The following IYD variants were observed in gnomAD, a reference collection of about 807,000 sequenced individuals.
IYD encodes iodotyrosine deiodinase 1.
A neutral mutation model predicts 28.4 loss-of-function variants in IYD; 25 were observed. The ratio of observed to expected loss-of-function variants is 0.88; its 90% CI spans 0.64 to 1.23. The LOEUF (loss-of-function observed/expected upper bound fraction) is 1.23, where lower values mean the gene tolerates loss of function less well. IYD is among the 50% of genes most tolerant of loss of function. The probability of loss-of-function intolerance (pLI) is 0.00; values close to 1 mark genes in which losing one functional copy is unlikely to be tolerated. For synonymous variants in IYD, 140 were observed against 130.8 expected, an observed-to-expected ratio of 1.07 and a Z score of -0.48; for missense variants, 352 against 357.9, an observed-to-expected ratio of 0.98 and a Z score of 0.13.
At chr6:150,377,004 A>G (rs576516011) in intron 1 of IYD, among the ~76,000 whole-genome samples, 1 of 152,288 alleles carries the variant, frequency 6.6e-6, no homozygotes, top group Admixed American at 6.5e-5. Context: ...TTCAGGAAAA[A>G]GGATCAGAGA....
chr6:150,386,521 T>A (rs1193334655), intron 1 of IYD, among the ~76,000 whole-genome samples: 1 of 152,168 alleles, frequency 6.6e-6, no homozygotes, highest in Non-Finnish European at 1.5e-5. Context: ...CAGTGTCCTA[T>A]GTAAGCCTAT....
chr6:150,397,722 G>T (rs970285435), intron 4 of IYD, among the ~76,000 whole-genome samples: 1 of 152,058 alleles, frequency 6.6e-6, no homozygotes, highest in Admixed American at 6.6e-5. Flanking sequence ...ACTCCCTGTT[G>T]TTTTTGCCTT....
rs35209272 is a variant in IYD at position 150,399,910 on chromosome 6, T to C, written c.*1673T>C. ...CCTCCTAATACCATCACATTGGGGG[T>C]TAGGGTTTCAACATATGAATTGCGG... On this transcript the variant is annotated 3_prime_UTR_variant, in exon 5 of 5. Transcript: ENST00000344419. 0.058 allele frequency: 8,885 copies of C among 152,314 alleles called. 346 individuals are homozygous for C. Among genetic ancestry groups the C allele is most frequent in the Non-Finnish European group, 0.085 (5,776 of 68,186 alleles). The allele number at this position is 152,314 out of a possible 1,614,324, so 9.4% of individuals were successfully genotyped here. A position where few individuals can be genotyped will look rare whatever the true frequency, so the allele number is the denominator to read the frequency against.
chr6:150,389,233 A>G, intron 1 of IYD, 119 bp from the exon 2 acceptor site: 1 of 710,094 alleles, frequency 1.4e-6, no homozygotes, highest in South Asian at 1.6e-5. Context: ...TTTTCATTTT[A>G]TAGTATTTTT....
intron 1 of IYD, among the ~76,000 whole-genome samples, chr6:150,370,284 TG>T (rs1405919215): frequency 6.8e-6 from 1 of 146,316 alleles, no homozygotes; most frequent in Non-Finnish European, 1.5e-5. Flanking sequence ...TTCATTAATG[TG>T]CATGTGTGAG....
In IYD at chr6:150,394,707, A is replaced by C. The variant is rs1582800232; in HGVS notation, c.687+452A>C. Reference sequence around the variant, plus strand: ...GGAAGAAGGTCATGTGCTTTTCAAAAATTCCATCTGCATAGGAACGAGAGC... The same window carrying C: ...GGAAGAAGGTCATGTGCTTTTCAAACATTCCATCTGCATAGGAACGAGAGC... On this transcript the variant is annotated intron_variant, in intron 4 of 4. Coordinates refer to ENST00000344419, the MANE Select transcript of IYD (RefSeq NM_203395.3). Among the ~76,000 whole-genome samples, 7 of 152,344 alleles carry C rather than the reference A, an allele frequency of 4.6e-5. No individual in the cohort carries two copies. The East Asian group carries it at 1.4e-3, about 29-fold the overall frequency.
In IYD at chr6:150,402,272, G is replaced by A. The variant is rs72998964; in HGVS notation, c.*4035G>A. 0.095 allele frequency: 14,445 copies of A among 152,192 alleles called. 964 individuals are homozygous for A. The highest frequency in any genetic ancestry group is 0.19 in the African/African-American group (7,774 of 41,468). 9.4% of individuals were successfully genotyped at this position (152,192 alleles called of 1,614,324 possible). A position where few individuals can be genotyped will look rare whatever the true frequency, so the allele number is the denominator to read the frequency against. On this transcript the variant is annotated 3_prime_UTR_variant, in exon 5 of 5. Transcript: ENST00000344419. ...CTGCCTCCTTCCTAGAGGCAGCAGGGGGAGAAAACACTGGAAGAGGTCACC... is the reference window on the plus strand; with the variant it reads ...CTGCCTCCTTCCTAGAGGCAGCAGGAGGAGAAAACACTGGAAGAGGTCACC...
At chr6:150,396,706 T>C (rs7774404) in intron 4 of IYD, 31,171 of 284,596 alleles carry the variant, frequency 0.11, 5,143 homozygotes, top group African/African-American at 0.42. Context: ...AACCCGGCCT[T>C]TACTAAAAAT....
chr6:150,397,445 C>A (rs1712790015), intron 4 of IYD, among the ~76,000 whole-genome samples: 1 of 151,774 alleles, frequency 6.6e-6, no homozygotes, highest in African/African-American at 2.4e-5. Flanking sequence ...TGGTGCATGC[C>A]TATAGTCTCA....
intron 3 of IYD, 76 bp from the exon 4 acceptor site, chr6:150,394,023 C>A: frequency 7.5e-7 from 1 of 1,341,940 alleles, no homozygotes; most frequent in Non-Finnish European, 1.0e-6. Context: ...TTATTTTTAT[C>A]ATAAAGAAGC....
rs1778519944 is a variant in IYD at position 150,401,889 on chromosome 6, C to T, written c.*3652C>T. ...TTTAACTCAAAGTTGTGTCAGCCAG[C>T]ACGGGGTAGAGCCATGGTCCTCATA... On this transcript the variant is annotated 3_prime_UTR_variant, in exon 5 of 5. Transcript: ENST00000344419. 3 of 152,228 alleles carry T rather than the reference C, an allele frequency of 2.0e-5. No individual in the cohort carries two copies. 9.4% of individuals were successfully genotyped at this position (152,228 alleles called of 1,614,324 possible). A position where few individuals can be genotyped will look rare whatever the true frequency, so the allele number is the denominator to read the frequency against.
chr6:150,387,269 C>T lies in IYD; in HGVS notation c.179-2083C>T, dbSNP rs144717924. Among the ~76,000 whole-genome samples, 661 of 152,014 alleles carry T rather than the reference C, an allele frequency of 4.3e-3. 2 individuals carry two copies. The highest frequency in any genetic ancestry group is 0.015 in the African/African-American group (624 of 41,478). On this transcript the variant is annotated intron_variant, in intron 1 of 4. Coordinates refer to ENST00000344419, the MANE Select transcript of IYD (RefSeq NM_203395.3). ...CCCTTGTAGCAGCTGTGTTTAATGT[C>T]ATTAAAAATAGTCAGGTGCAATGGT...
chr6:150,393,552 A>G lies in IYD; in HGVS notation c.531-547A>G, dbSNP rs1442397482. On this transcript the variant is annotated intron_variant, in intron 3 of 4. Transcript: ENST00000344419. ...ATATCCTAAGGTAAAATCCCAATAT[A>G]TGGGATTATATGACTCTCTGTCCTT... 2.0e-5 allele frequency among the ~76,000 whole-genome samples: 3 copies of G among 152,222 alleles called. No individual in the cohort carries two copies. In the East Asian group the frequency reaches 5.8e-4, roughly 29 times the overall value.
At chr6:150,389,927 GT>G (rs977125921) in intron 2 of IYD, among the ~76,000 whole-genome samples, 7 of 151,650 alleles carry the variant, frequency 4.6e-5, no homozygotes, top group Non-Finnish European at 1.0e-4. Context: ...AGTTATATTT[GT>G]TTTTTTTGGA....
rs528934068 is a variant in IYD, at chr6:150,387,068, CTT to C, written c.179-2282_179-2281del. 4.9e-3 allele frequency among the ~76,000 whole-genome samples: 739 copies of C among 152,144 alleles called. 6 individuals carry two copies. Among genetic ancestry groups the C allele is most frequent in the African/African-American group, 0.017 (691 of 41,522 alleles). Reference sequence around the variant, plus strand: ...AAAACTATAGTTTTTAAAAATAACTCTTTGAGTTTACTAGGCCTCAGAGTAAA... The same window carrying C: ...AAAACTATAGTTTTTAAAAATAACTCTGAGTTTACTAGGCCTCAGAGTAAA... On this transcript the variant is annotated intron_variant, in intron 1 of 4. Transcript: ENST00000344419.
chr6:150,393,836 G>T (rs1262520622), intron 3 of IYD, among the ~76,000 whole-genome samples: 1 of 152,186 alleles, frequency 6.6e-6, no homozygotes, highest in African/African-American at 2.4e-5. Context: ...CCCAGTGCAT[G>T]CTGGGTAATA....
At chr6:150,375,584 A>G (rs974737077) in intron 1 of IYD, among the ~76,000 whole-genome samples, 2 of 152,172 alleles carry the variant, frequency 1.3e-5, no homozygotes, top group African/African-American at 4.8e-5. Flanking sequence ...TACTAGTGCT[A>G]TGAGACTTTC....
chr6:150,385,983 A>G (rs1229981095), intron 1 of IYD, among the ~76,000 whole-genome samples: 1 of 151,770 alleles, frequency 6.6e-6, no homozygotes, highest in Non-Finnish European at 1.5e-5. Context: ...TTCATTCCTG[A>G]TATTTGTTAC....
chr6:150,396,018 T>C, intron 4 of IYD: 1 of 289,366 alleles, frequency 3.5e-6, no homozygotes, highest in Non-Finnish European at 6.5e-6. Context: ...GTTTAGAATA[T>C]AATATACAAG....
Sources: allele counts gnomAD v4.1 joint callset (sites outside exome capture counted in the v4.1 genomes callset), GRCh38; gene constraint gnomAD v4.1.1; transcripts MANE v1.5; gene names NCBI Gene and HGNC (gene_info 2026-07-23, HGNC 2026-07-21).